The following FOXK1 variants were observed in gnomAD, a reference collection of about 807,000 sequenced individuals.
The protein encoded by FOXK1 is forkhead box K1, also known as forkhead box protein K1.
Under a neutral mutation model 51.9 loss-of-function variants are expected in FOXK1, and 19 were observed. That is an observed-to-expected ratio of 0.37 (90% CI 0.26 to 0.54). FOXK1 has a LOEUF of 0.54. FOXK1 is among the 20% of genes least tolerant of loss of function. The probability of loss-of-function intolerance (pLI) is 0.87; values close to 1 mark genes in which losing one functional copy is unlikely to be tolerated. For missense variants in FOXK1, 870 were observed against 1,032.7 expected (o/e 0.84, Z 2.16); for synonymous variants, 537 against 482.6 (o/e 1.11, Z -1.48).
chr7:4,759,698 G>C, intron 7 of FOXK1, 103 bp downstream of exon 7: 1 of 1,326,996 alleles, frequency 7.5e-7, no homozygotes, highest in Non-Finnish European at 1.0e-6. Flanking sequence ...GGCTTGAGGA[G>C]GATGATTCTC....
intron 1 of FOXK1, among the ~76,000 whole-genome samples, chr7:4,724,945 C>G: frequency 6.6e-6 from 1 of 152,296 alleles, no homozygotes; most frequent in South Asian, 2.1e-4. Context: ...TAGCTGAGTG[C>G]GTGGCCACAC....
rs1055533417 is a variant in FOXK1, at chr7:4,747,188, C to T, written c.746+6165C>T. Among the ~76,000 whole-genome samples, 7 of 152,192 alleles carry T rather than the reference C, an allele frequency of 4.6e-5. No homozygotes were observed. The highest frequency in any genetic ancestry group is 1.9e-4 in the East Asian group (1 of 5,188). On this transcript the variant is annotated intron_variant, in intron 2 of 8. Coordinates refer to ENST00000328914, the MANE Select transcript of FOXK1 (RefSeq NM_001037165.2). The surrounding 1 kb of genome is among the most constrained non-coding windows in gnomAD (Gnocchi z 9.2). ...AGCGCCCGACTTCTCAGGTCAGCCT[C>T]GGGTGACAAGCGGCTTGTGTGGAGT...
intron 1 of FOXK1, among the ~76,000 whole-genome samples, chr7:4,706,740 C>T (rs143462241): frequency 1.2e-3 from 180 of 152,336 alleles, no homozygotes; most frequent in African/African-American, 3.5e-3. Flanking sequence ...CAGGGTGAAA[C>T]GTTCGAAAGC....
intron 1 of FOXK1, among the ~76,000 whole-genome samples, chr7:4,720,970 T>A (rs141173049): frequency 7.4e-4 from 113 of 152,238 alleles, no homozygotes; most frequent in African/African-American, 2.6e-3. Context: ...CTCGAACTCC[T>A]GACCTTATGT....
Position 4,747,284 on chromosome 7 carries a change from CAG to C in FOXK1, c.746+6262_746+6263del, listed in dbSNP as rs1290788461. Reference sequence around the variant, plus strand: ...AGCCCTTTCCGGGTTCCATGAGCCTCAGGGGAAGCAGGAGGCGCCTGCAGACA... The same window carrying C: ...AGCCCTTTCCGGGTTCCATGAGCCTCGGGAAGCAGGAGGCGCCTGCAGACA... On this transcript the variant is annotated intron_variant, in intron 2 of 8. Coordinates refer to ENST00000328914, the MANE Select transcript of FOXK1 (RefSeq NM_001037165.2). The surrounding 1 kb of genome is among the most constrained non-coding windows in gnomAD (Gnocchi z 9.2). Among the ~76,000 whole-genome samples the C allele has an allele frequency of 1.3e-5, 2 of 152,076 alleles. No individual in the cohort carries two copies. Among genetic ancestry groups the C allele is most frequent in the Non-Finnish European group, 2.9e-5 (2 of 68,014 alleles).
Position 4,709,207 on chromosome 7 carries a change from C to G in FOXK1, c.560+26339C>G, listed in dbSNP as rs1272671052. Among the ~76,000 whole-genome samples the G allele has an allele frequency of 6.6e-6, 1 of 152,188 alleles. No individual in the cohort carries two copies. The highest frequency in any genetic ancestry group is 6.5e-5 in the Admixed American group (1 of 15,288). On this transcript the variant is annotated intron_variant, in intron 1 of 8. Coordinates refer to ENST00000328914, the MANE Select transcript of FOXK1 (RefSeq NM_001037165.2). This position sits in a 1 kb window ranked among gnomAD's most constrained non-coding sequence, Gnocchi z 5.6. ...CCGAGGCCCCAGGATACCCCCGTGC[C>G]TTACCCACGCTATTTGCTGCCTGGC...
chr7:4,741,324 T>G (rs777985723), intron 2 of FOXK1, among the ~76,000 whole-genome samples: 2 of 127,634 alleles, frequency 1.6e-5, no homozygotes, highest in Non-Finnish European at 3.0e-5. Flanking sequence ...GTTGAAAATG[T>G]TTTTTTTTTG....
chr7:4,697,628 C>T (rs941552700), intron 1 of FOXK1, among the ~76,000 whole-genome samples: 1 of 152,062 alleles, frequency 6.6e-6, no homozygotes, highest in African/African-American at 2.4e-5. Flanking sequence ...CTTTTATTAC[C>T]AATTTCTCTC....
chr7:4,754,412 C>G (rs1193667432), intron 2 of FOXK1, 47 bp from the exon 3 acceptor site: 2 of 1,593,546 alleles, frequency 1.3e-6, no homozygotes, highest in African/African-American at 2.7e-5. Flanking sequence ...CCCACAGGGG[C>G]CCCCTCTTCA....
At chr7:4,710,057 T>C (rs1412450163) in intron 1 of FOXK1, among the ~76,000 whole-genome samples, 2 of 152,238 alleles carry the variant, frequency 1.3e-5, no homozygotes, top group Non-Finnish European at 2.9e-5. Context: ...CGGTTTTAAT[T>C]GTAGTGTCAA....
chr7:4,692,247 G>A (rs1016922323), intron 1 of FOXK1, among the ~76,000 whole-genome samples: 1 of 152,298 alleles, frequency 6.6e-6, no homozygotes, highest in South Asian at 2.1e-4. Flanking sequence ...CTTTTAGTCG[G>A]CTGTGATGCG....
In FOXK1 at chr7:4,699,492, C is replaced by T. The variant is rs1373961049; in HGVS notation, c.560+16624C>T. On this transcript the variant is annotated intron_variant, in intron 1 of 8. Coordinates refer to ENST00000328914, the MANE Select transcript of FOXK1 (RefSeq NM_001037165.2). Reference sequence around the variant, plus strand: ...AAGCGATTGTCCTGTGTCAGCCTCCCGAGTAGCTGGGATTACAGGTGCCCA... The same window carrying T: ...AAGCGATTGTCCTGTGTCAGCCTCCTGAGTAGCTGGGATTACAGGTGCCCA... 3.3e-5 allele frequency among the ~76,000 whole-genome samples: 5 copies of T among 152,040 alleles called. No homozygotes were observed. In the East Asian group the frequency reaches 9.7e-4, roughly 29 times the overall value.
At chr7:4,759,012 C>A (rs748726977) in intron 5 of FOXK1, 39 bp from the exon 6 acceptor site, 3 of 1,546,576 alleles carry the variant, frequency 1.9e-6, no homozygotes, top group Non-Finnish European at 2.6e-6. Context: ...CATCCCTCAG[C>A]GCGGGCGCTG....
Position 4,682,334 on chromosome 7 carries a change from G to A in FOXK1, c.26G>A (p.Gly9Asp). Residue 9 changes from glycine (G) to aspartate (D), a missense_variant, in exon 1 of 9, where the codon GGC becomes GAC. By Grantham distance (94) the Gly-to-Asp change is moderately conservative. Around this residue, in one of 3 missense-constraint regions of FOXK1, gnomAD observed 399 missense variants for 475.6 expected, o/e 0.84. Coordinates refer to ENST00000328914, the MANE Select transcript of FOXK1 (RefSeq NM_001037165.2). The surrounding 1 kb of genome is among the most constrained non-coding windows in gnomAD (Gnocchi z 7.6). ...ATGGCCGAAGTCGGCGAGGACAGCGGCGCCCGCGCCCTGCTCGCGCTGCGC... is the reference window on the plus strand; with the variant it reads ...ATGGCCGAAGTCGGCGAGGACAGCGACGCCCGCGCCCTGCTCGCGCTGCGC... Reference protein sequence around the residue: MAEVGEDSGARALLALRSA... With the variant: MAEVGEDSDARALLALRSA... 1 of 993,432 alleles carries A rather than the reference G, an allele frequency of 1.0e-6. No homozygotes were observed. The highest frequency in any genetic ancestry group is 1.2e-6 in the Non-Finnish European group (1 of 837,308). 61.5% of individuals were successfully genotyped at this position (993,432 alleles called of 1,614,324 possible). A position where few individuals can be genotyped will look rare whatever the true frequency, so the allele number is the denominator to read the frequency against.
intron 1 of FOXK1, among the ~76,000 whole-genome samples, chr7:4,687,947 G>A (rs1017105650): frequency 1.3e-5 from 2 of 152,104 alleles, no homozygotes; most frequent in African/African-American, 4.8e-5. Flanking sequence ...GCCCAGGTTA[G>A]TCTGGAACTC....
chr7:4,717,260 G>C (rs1263320836), intron 1 of FOXK1, among the ~76,000 whole-genome samples: 1 of 147,714 alleles, frequency 6.8e-6, no homozygotes, highest in African/African-American at 2.5e-5. Flanking sequence ...AGGTGGTGGC[G>C]GGAGGCATAT....
rs956150792 is a variant in FOXK1, at chr7:4,765,624, A to C, written c.*3160A>C. On this transcript the variant is annotated 3_prime_UTR_variant, in exon 9 of 9. Coordinates refer to ENST00000328914, the MANE Select transcript of FOXK1 (RefSeq NM_001037165.2). ...TCACCAGGGACTGGGGGCACGGTCC[A>C]CAGCGGATGAGAACAGCAGGTCACA... The C allele has an allele frequency of 4.6e-5, 7 of 152,388 alleles. No homozygotes were observed. The highest frequency in any genetic ancestry group is 1.7e-4 in the African/African-American group (7 of 41,456). The allele number at this position is 152,388 out of a possible 1,614,324, so 9.4% of individuals were successfully genotyped here.
Position 4,711,929 on chromosome 7 carries a change from G to A in FOXK1, c.561-28909G>A, listed in dbSNP as rs1780179443. Reference sequence around the variant, plus strand: ...TGACTCAAGGTTGAGATGGGGCAGGGACTCCGGGGGAGGGGCAGAGGGCAG... The same window carrying A: ...TGACTCAAGGTTGAGATGGGGCAGGAACTCCGGGGGAGGGGCAGAGGGCAG... On this transcript the variant is annotated intron_variant, in intron 1 of 8. Transcript: ENST00000328914. This position sits in a 1 kb window ranked among gnomAD's most constrained non-coding sequence, Gnocchi z 6.3. Among the ~76,000 whole-genome samples, 1 of 152,178 alleles carries A rather than the reference G, an allele frequency of 6.6e-6. No homozygotes were observed. The highest frequency in any genetic ancestry group is 6.5e-5 in the Admixed American group (1 of 15,276).
At position 4,760,604 on chromosome 7, in the gene FOXK1, A is replaced by G. The variant is rs574098500; in HGVS notation, c.1697-460A>G. ...GGTGGCTCACGCCTGTAATCCCAGCACTTTGGGAGGCTGAGGCAGGCAGAT... is the reference window on the plus strand; with the variant it reads ...GGTGGCTCACGCCTGTAATCCCAGCGCTTTGGGAGGCTGAGGCAGGCAGAT... On this transcript the variant is annotated intron_variant, in intron 7 of 8. Transcript: ENST00000328914. Among the ~76,000 whole-genome samples the G allele has an allele frequency of 5.9e-5, 9 of 152,286 alleles. No individual in the cohort carries two copies. The East Asian group carries it at 1.5e-3, about 26-fold the overall frequency.
Sources: gnomAD v4.1 joint callset for allele counts (sites outside exome capture counted in the v4.1 genomes callset) on GRCh38, gnomAD v4.1.1 for gene constraint, gnomAD v4.1.1 regional missense constraint, Gnocchi (gnomAD v3.1) non-coding constraint, MANE v1.5 for transcripts, NCBI Gene and HGNC (gene_info 2026-07-23, HGNC 2026-07-21) for gene names.